OSBPL3: variants seen among roughly 807,000 people sequenced by gnomAD.
The protein encoded by OSBPL3 is oxysterol binding protein like 3, also known as oxysterol-binding protein-related protein 3.
OSBPL3 carries 65 observed loss-of-function variants against 120.1 expected under a neutral mutation model. The ratio of observed to expected loss-of-function variants is 0.54; its 90% CI spans 0.44 to 0.67. The LOEUF is 0.67. Ranked by LOEUF, OSBPL3 falls within the 30% of genes least tolerant of loss-of-function variation. The pLI is 0.00. For missense variants in OSBPL3, 1,004 were observed against 1,082.1 expected, an observed-to-expected ratio of 0.93 and a Z score of 1.01; for synonymous variants, 416 against 402.6, an observed-to-expected ratio of 1.03 and a Z score of -0.40.
At position 24,920,330 on chromosome 7, in the gene OSBPL3, G is replaced by C. The variant is rs183584530; in HGVS notation, c.-149-27709C>G. On this transcript the variant is annotated intron_variant, in intron 1 of 22. Coordinates refer to ENST00000313367, the MANE Select transcript of OSBPL3 (RefSeq NM_015550.4). The stretch of plus-strand genomic sequence containing the variant: ...AAAAAGGAATTAAATAGTGAGTCAT[G>C]CTACAACATGTATGAACATGTAAAA... Among the ~76,000 whole-genome samples the C allele has an allele frequency of 4.0e-3, 602 of 152,290 alleles. 3 individuals are homozygous for C. The highest frequency in any genetic ancestry group is 0.014 in the African/African-American group (581 of 41,570).
Position 24,953,358 on chromosome 7 carries a change from T to A in OSBPL3, c.-150+26528A>T. The stretch of plus-strand genomic sequence containing the variant: ...CTGGGGTTTCTTTCAAAAAAAATTA[T>A]ACCAGCAGGTTCTAATTTCCTATCC... On this transcript the variant is annotated intron_variant, in intron 1 of 22. Coordinates refer to ENST00000313367, the MANE Select transcript of OSBPL3 (RefSeq NM_015550.4). This position sits in a 1 kb window ranked among gnomAD's most constrained non-coding sequence, Gnocchi z 4.3. 6.6e-6 allele frequency among the ~76,000 whole-genome samples: 1 copy of A among 152,184 alleles called. No homozygotes were observed. The highest frequency in any genetic ancestry group is 1.9e-4 in the East Asian group (1 of 5,204).
rs1813773212 is a variant in OSBPL3 at position 24,946,712 on chromosome 7, C to G, written c.-150+33174G>C. Among the ~76,000 whole-genome samples, 1 of 152,212 alleles carries G rather than the reference C, an allele frequency of 6.6e-6. No individual in the cohort carries two copies. Among genetic ancestry groups the G allele is most frequent in the Non-Finnish European group, 1.5e-5 (1 of 68,042 alleles). ...TTAAGAAGGGCAGGCTCAGGTCCATCTTATCCACTCCATGTGGCAAACATT... is the reference window on the plus strand; with the variant it reads ...TTAAGAAGGGCAGGCTCAGGTCCATGTTATCCACTCCATGTGGCAAACATT... On this transcript the variant is annotated intron_variant, in intron 1 of 22. Transcript: ENST00000313367. This position sits in a 1 kb window ranked among gnomAD's most constrained non-coding sequence, Gnocchi z 4.3.
chr7:24,845,828 C>G (rs1378057839), intron 12 of OSBPL3, among the ~76,000 whole-genome samples: 1 of 152,016 alleles, frequency 6.6e-6, no homozygotes, highest in Non-Finnish European at 1.5e-5. Context: ...ATTTAACATG[C>G]AATGAGAAGA....
chr7:24,859,520 T>A (rs1800244142), intron 10 of OSBPL3, among the ~76,000 whole-genome samples: 1 of 152,204 alleles, frequency 6.6e-6, no homozygotes, highest in African/African-American at 2.4e-5. Context: ...CATTTTATGC[T>A]GAGGACATCT....
chr7:24,892,529 C>A lies in OSBPL3; in HGVS notation c.-57G>T. On this transcript the variant is annotated 5_prime_UTR_variant, in exon 2 of 23. Coordinates refer to ENST00000313367, the MANE Select transcript of OSBPL3 (RefSeq NM_015550.4). ...AAAATGCCATCAGATGACAAGGGAG[C>A]CGAGAGTATGGAAGTCCCCAGTGGC... 6.3e-7 allele frequency: 1 copy of A among 1,585,706 alleles called. No homozygotes were observed. Among genetic ancestry groups the A allele is most frequent in the South Asian group, 1.1e-5 (1 of 88,506 alleles).
Position 24,822,129 on chromosome 7 carries a change from C to T in OSBPL3, c.1885-1891G>A, listed in dbSNP as rs576277627. On this transcript the variant is annotated intron_variant, in intron 16 of 22. Transcript: ENST00000313367. This position sits in a 1 kb window ranked among gnomAD's most constrained non-coding sequence, Gnocchi z 5.8. ...CCTCAAGTGATCTTCCCACCTCAGC[C>T]TCCCAAAGTGCTGGGATTACAGGTG... Among the ~76,000 whole-genome samples the T allele has an allele frequency of 6.3e-4, 96 of 152,304 alleles. No homozygotes were observed. Among genetic ancestry groups the T allele is most frequent in the South Asian group, 2.3e-3 (11 of 4,822 alleles).
At chr7:24,895,445 T>C (rs976312468) in intron 1 of OSBPL3, among the ~76,000 whole-genome samples, 2 of 152,194 alleles carry the variant, frequency 1.3e-5, no homozygotes, top group Non-Finnish European at 2.9e-5. Flanking sequence ...CTAAGTATAC[T>C]CTATGATGTT....
rs1240596207 is a variant in OSBPL3, at chr7:24,937,583, C to A, written c.-150+42303G>T. The stretch of plus-strand genomic sequence containing the variant: ...GCTTCCAATGTTTTTCTCTAACAAA[C>A]AATACAGCAGTGAACAGAGCATACA... On this transcript the variant is annotated intron_variant, in intron 1 of 22. Coordinates refer to ENST00000313367, the MANE Select transcript of OSBPL3 (RefSeq NM_015550.4). This position sits in a 1 kb window ranked among gnomAD's most constrained non-coding sequence, Gnocchi z 4.0. Among the ~76,000 whole-genome samples, 1 of 152,142 alleles carries A rather than the reference C, an allele frequency of 6.6e-6. No homozygotes were observed. The highest frequency in any genetic ancestry group is 2.4e-5 in the African/African-American group (1 of 41,428).
At position 24,955,847 on chromosome 7, in the gene OSBPL3, T is replaced by A. The variant is rs1814984772; in HGVS notation, c.-150+24039A>T. 6.6e-6 allele frequency among the ~76,000 whole-genome samples: 1 copy of A among 152,242 alleles called. No homozygotes were observed. Among genetic ancestry groups the A allele is most frequent in the East Asian group, 1.9e-4 (1 of 5,204 alleles). ...AAATATCTACAGAATGAATGTTTTT[T>A]AAAAACATACAATCATTGAGCTTCT... is the stretch of plus-strand genomic sequence containing the variant. On this transcript the variant is annotated intron_variant, in intron 1 of 22. Transcript: ENST00000313367. This position sits in a 1 kb window ranked among gnomAD's most constrained non-coding sequence, Gnocchi z 4.3.
chr7:24,935,224 A>C (rs1474967075), intron 1 of OSBPL3, among the ~76,000 whole-genome samples: 1 of 152,192 alleles, frequency 6.6e-6, no homozygotes, highest in Non-Finnish European at 1.5e-5. Flanking sequence ...AGAGTGGTCC[A>C]GTGTACCCTT....
intron 2 of OSBPL3, among the ~76,000 whole-genome samples, chr7:24,880,165 T>G (rs1160825701): frequency 6.6e-6 from 1 of 152,204 alleles, no homozygotes; most frequent in African/African-American, 2.4e-5. Flanking sequence ...ATATGTACCT[T>G]GTGGTGATTC....
rs114409262 is a variant in OSBPL3 at position 24,962,568 on chromosome 7, G to C, written c.-150+17318C>G. 3.8e-3 allele frequency among the ~76,000 whole-genome samples: 579 copies of C among 152,204 alleles called. 4 individuals carry two copies. The highest frequency in any genetic ancestry group is 0.013 in the African/African-American group (537 of 41,542). On this transcript the variant is annotated intron_variant, in intron 1 of 22. Transcript: ENST00000313367. ...GTAGCTGGTTCAGGATTAGGCACAC[G>C]ACCCAGGTGGGAACAACCAGAGCCA...
intron 1 of OSBPL3, among the ~76,000 whole-genome samples, chr7:24,931,704 CA>C (rs1367021136): frequency 6.6e-6 from 1 of 151,320 alleles, no homozygotes; most frequent in East Asian, 1.9e-4. Flanking sequence ...AAGCTTAAAG[CA>C]ACTTAATTTG....
intron 1 of OSBPL3, among the ~76,000 whole-genome samples, chr7:24,908,645 T>G (rs2057485603): frequency 6.6e-6 from 1 of 152,232 alleles, no homozygotes; most frequent in Admixed American, 6.5e-5. Flanking sequence ...ATCCAAGTTT[T>G]AATGTTTCAA....
intron 10 of OSBPL3, among the ~76,000 whole-genome samples, chr7:24,856,650 C>T (rs374295132): frequency 1.3e-5 from 2 of 152,124 alleles, no homozygotes; most frequent in South Asian, 2.1e-4. Flanking sequence ...GTCCAAAATA[C>T]GTTTCTACAT....
Position 24,813,862 on chromosome 7 carries a change from G to A in OSBPL3, c.2172+1197C>T, listed in dbSNP as rs962607778. ...AGCAGGGAGGGCCGCCAGCAAGGCTGTTAAAATGAGAGACCATTCCATACT... is the reference window on the plus strand; with the variant it reads ...AGCAGGGAGGGCCGCCAGCAAGGCTATTAAAATGAGAGACCATTCCATACT... On this transcript the variant is annotated intron_variant, in intron 19 of 22. Coordinates refer to ENST00000313367, the MANE Select transcript of OSBPL3 (RefSeq NM_015550.4). This position sits in a 1 kb window ranked among gnomAD's most constrained non-coding sequence, Gnocchi z 4.5. 6.6e-6 allele frequency among the ~76,000 whole-genome samples: 1 copy of A among 152,206 alleles called. No individual in the cohort carries two copies. The highest frequency in any genetic ancestry group is 1.5e-5 in the Non-Finnish European group (1 of 68,044).
Position 24,933,036 on chromosome 7 carries a change from C to T in OSBPL3, c.-149-40415G>A, listed in dbSNP as rs1324160100. ...CACCAACTCCAGTCTTCACGGTTCA[C>T]AGGAGGAGAATGGAAGGGCTGCTGC... On this transcript the variant is annotated intron_variant, in intron 1 of 22. Coordinates refer to ENST00000313367, the MANE Select transcript of OSBPL3 (RefSeq NM_015550.4). This position sits in a 1 kb window ranked among gnomAD's most constrained non-coding sequence, Gnocchi z 5.1. Among the ~76,000 whole-genome samples, 1 of 152,190 alleles carries T rather than the reference C, an allele frequency of 6.6e-6. No homozygotes were observed. Among genetic ancestry groups the T allele is most frequent in the African/African-American group, 2.4e-5 (1 of 41,436 alleles).
Position 24,875,564 on chromosome 7 carries a change from A to G in OSBPL3, c.97-3495T>C, listed in dbSNP as rs191735107. On this transcript the variant is annotated intron_variant, in intron 2 of 22. Transcript: ENST00000313367. ...GTAGGTTACATTAATAATGAATATCATTTGGACATAGTGGCTCATGCCTAT... is the reference window on the plus strand; with the variant it reads ...GTAGGTTACATTAATAATGAATATCGTTTGGACATAGTGGCTCATGCCTAT... Among the ~76,000 whole-genome samples the G allele has an allele frequency of 7.5e-4, 114 of 152,274 alleles. 1 individual carries two copies. The highest frequency in any genetic ancestry group is 2.7e-3 in the South Asian group (13 of 4,828).
In OSBPL3 at chr7:24,871,854, C is replaced by T; in HGVS notation, c.214-59G>A. 6.7e-7 allele frequency: 1 copy of T among 1,495,136 alleles called. No homozygotes were observed. The highest frequency in any genetic ancestry group is 9.3e-7 in the Non-Finnish European group (1 of 1,072,734). 92.6% of individuals were successfully genotyped at this position (1,495,136 alleles called of 1,614,324 possible). A position where few individuals can be genotyped will look rare whatever the true frequency, so the allele number is the denominator to read the frequency against. On this transcript the variant is annotated intron_variant, in intron 3 of 22. Coordinates refer to ENST00000313367, the MANE Select transcript of OSBPL3 (RefSeq NM_015550.4). The surrounding 1 kb of genome is among the most constrained non-coding windows in gnomAD (Gnocchi z 4.8). ...TCAATTTAGGTGCCCTTTTCTTGGT[C>T]TCAAATTCCAACTAGAAATTAAATA... is the stretch of plus-strand genomic sequence containing the variant.
Sources: gnomAD v4.1 joint callset for allele counts (sites outside exome capture counted in the v4.1 genomes callset) on GRCh38, gnomAD v4.1.1 for gene constraint, Gnocchi (gnomAD v3.1) non-coding constraint, MANE v1.5 for transcripts, NCBI Gene and HGNC (gene_info 2026-07-23, HGNC 2026-07-21) for gene names.